The following GUCA1B variants were observed in gnomAD, a reference collection of about 807,000 sequenced individuals.
GUCA1B encodes the protein guanylyl cyclase-activating protein 2.
In GUCA1B, 22 loss-of-function variants were observed where a neutral mutation model predicts 24.2. The ratio of observed to expected loss-of-function variants is 0.91; its 90% confidence interval spans 0.65 to 1.30. GUCA1B has a LOEUF of 1.30. GUCA1B is among the 50% of genes most tolerant of loss of function. The probability of loss-of-function intolerance (pLI) is 0.00; values close to 1 mark genes in which losing one functional copy is unlikely to be tolerated. For synonymous variants in GUCA1B, 100 were observed against 97.9 expected, an observed-to-expected ratio of 1.02 and a Z score of -0.13; for missense variants, 221 against 258.8, an observed-to-expected ratio of 0.85 and a Z score of 1.00.
Position 42,188,611 on chromosome 6 carries a change from C to T in GUCA1B, c.328G>A (p.Asp110Asn), listed in dbSNP as rs1318927228. Residue 110 changes from aspartate (D) to asparagine (N), a missense_variant, in exon 2 of 4, where the codon GAC (aspartate) becomes AAC (asparagine). Asp to Asn is a conservative substitution (Grantham distance 23). Coordinates refer to ENST00000230361, the MANE Select transcript of GUCA1B (RefSeq NM_002098.6). The part of the protein sequence containing the change: ...IYDKDGNGCI[D>N]RLELLNIVEG... ...ACAATGTTGAGTAGCTCCAGGCGGT[C>T]GATGCAGCCATTGCCATCCTTATCA... is the stretch of plus-strand genomic sequence containing the variant. 1.9e-6 allele frequency: 3 copies of T among 1,613,960 alleles called. No homozygotes were observed. Among genetic ancestry groups the T allele is most frequent in the African/African-American group, 1.3e-5 (1 of 74,924 alleles).
chr6:42,188,839 C>G, intron 1 of GUCA1B, 108 bp from the exon 2 acceptor site: 2 of 1,068,310 alleles, frequency 1.9e-6, no homozygotes. Context: ...TCCATGTGGC[C>G]TCTGTGTCTT....
Position 42,188,619 on chromosome 6 carries a change from C to T in GUCA1B, c.320G>A (p.Gly107Asp). 6.2e-7 allele frequency: 1 copy of T among 1,614,126 alleles called. No individual in the cohort carries two copies. The highest frequency in any genetic ancestry group is 1.1e-5 in the South Asian group (1 of 91,090). ...TFKIYDKDGN[G>D]CIDRLELLNI... is the part of the protein sequence containing the mutation. ...GAGTAGCTCCAGGCGGTCGATGCAG[C>T]CATTGCCATCCTTATCATAGATCTT... is the stretch of plus-strand genomic sequence containing the variant. Residue 107 changes from glycine to aspartate, a missense_variant, in exon 2 of 4, where the codon GGC becomes GAC. Transcript: ENST00000230361.
chr6:42,193,469 TCG>T (rs113608448), intron 1 of GUCA1B, among the ~76,000 whole-genome samples: 15 of 152,330 alleles, frequency 9.8e-5, no homozygotes, highest in African/African-American at 3.4e-4. Context: ...CTTGGGCAAA[TCG>T]ATTCATTCCC....
At position 42,190,478 on chromosome 6, in the gene GUCA1B, T is replaced by TA. The variant is rs1768287483; in HGVS notation, c.208-1748_208-1747insT. Among the ~76,000 whole-genome samples the TA allele has an allele frequency of 2.0e-5, 3 of 151,958 alleles. No individual in the cohort carries two copies. The South Asian group carries it at 6.2e-4, about 32-fold the overall frequency. On this transcript the variant is annotated intron_variant, in intron 1 of 3. Coordinates refer to ENST00000230361, the MANE Select transcript of GUCA1B (RefSeq NM_002098.6). ...TTTTGCACGTATACCTTTTCTTATA[T>TA]CTCTGGTATTTCTTTTTTTAGGGTA...
In GUCA1B at chr6:42,194,745, T is replaced by C. The variant is rs144651324; in HGVS notation, c.76A>G (p.Lys26Glu). The C allele has an allele frequency of 1.2e-6, 2 of 1,612,230 alleles. No individual in the cohort carries two copies. The highest frequency in any genetic ancestry group is 2.7e-5 in the African/African-American group (2 of 74,778). The change falls in exon 1 of 4, where the codon AAG (lysine) becomes GAG (glutamate). Residue 26 changes from lysine (K) to glutamate (E), a missense_variant. Lys to Glu is a moderately conservative substitution (Grantham distance 56). Transcript: ENST00000230361. ...CTGGGGCACTCCATCACAAACTTCT[T>C]GTACCACTCCTGGAGCTCCGCCACA... Reference protein sequence around the residue: ...IDVAELQEWYKKFVMECPSGT... With the variant: ...IDVAELQEWYEKFVMECPSGT...
At chr6:42,185,336 T>A (rs968813764) in intron 3 of GUCA1B, among the ~76,000 whole-genome samples, 1 of 152,124 alleles carries the variant, frequency 6.6e-6, no homozygotes, top group Non-Finnish European at 1.5e-5. Context: ...AAACACATTA[T>A]CCTATTCATT....
rs367567115 is a variant in GUCA1B, at chr6:42,194,702, T to C, written c.119A>G (p.His40Arg). 5 of 1,613,626 alleles carry C rather than the reference T, an allele frequency of 3.1e-6. No homozygotes were observed. The highest frequency in any genetic ancestry group is 2.7e-5 in the African/African-American group (2 of 75,020). The stretch of plus-strand genomic sequence containing the variant: ...GACCTTGAAGAAGCGCTTAAACTCA[T>C]GCATAAAGAGTGTGCCGCTGGGGCA... ...MECPSGTLFM[H>R]EFKRFFKVTD... Residue 40 changes from histidine (H) to arginine (R), a missense_variant, in exon 1 of 4, where the codon CAT (histidine) becomes CGT (arginine). Transcript: ENST00000230361.
chr6:42,185,999 G>A (rs1768186224), intron 2 of GUCA1B, among the ~76,000 whole-genome samples: 1 of 152,140 alleles, frequency 6.6e-6, no homozygotes, highest in African/African-American at 2.4e-5. Flanking sequence ...TTCCAGCTGA[G>A]TTCCCGGCCT....
chr6:42,191,464 G>C (rs1201707348), intron 1 of GUCA1B, among the ~76,000 whole-genome samples: 1 of 152,146 alleles, frequency 6.6e-6, no homozygotes, highest in Non-Finnish European at 1.5e-5. Context: ...GACACTCCTT[G>C]ATATAAGGGG....
In GUCA1B at chr6:42,194,182, T is replaced by C. The variant is rs75369671; in HGVS notation, c.207+432A>G. Among the ~76,000 whole-genome samples, 952 of 152,352 alleles carry C rather than the reference T, an allele frequency of 6.2e-3. 10 individuals are homozygous for C. Among genetic ancestry groups the C allele is most frequent in the African/African-American group, 0.019 (776 of 41,584 alleles). Reference sequence around the variant, plus strand: ...AAGAACCCCAACAAGAGGGAGCTCATAGCCCATGCTAAGATACCTTGTCTC... The same window carrying C: ...AAGAACCCCAACAAGAGGGAGCTCACAGCCCATGCTAAGATACCTTGTCTC... On this transcript the variant is annotated intron_variant, in intron 1 of 3. Coordinates refer to ENST00000230361, the MANE Select transcript of GUCA1B (RefSeq NM_002098.6).
At chr6:42,186,620 C>A (rs1434574368) in intron 2 of GUCA1B, among the ~76,000 whole-genome samples, 1 of 136,270 alleles carries the variant, frequency 7.3e-6, no homozygotes, top group African/African-American at 3.0e-5. Flanking sequence ...AAAGAAAGCA[C>A]CATGTAAATG....
chr6:42,187,929 C>A (rs942651943), intron 2 of GUCA1B, among the ~76,000 whole-genome samples: 7 of 151,728 alleles, frequency 4.6e-5, no homozygotes, highest in African/African-American at 1.7e-4. Flanking sequence ...TTACTGCAGC[C>A]TTCAACTCCT....
At chr6:42,186,601 A>AAAGAAAG (rs375915567) in intron 2 of GUCA1B, among the ~76,000 whole-genome samples, 5 of 147,158 alleles carry the variant, frequency 3.4e-5, no homozygotes, top group East Asian at 3.9e-4. Context: ...TCAGAAAAAA[A>AAAGAAAG]AAAGAAAGAA....
chr6:42,186,115 T>C lies in GUCA1B; in HGVS notation c.358-318A>G, dbSNP rs371316778. Among the ~76,000 whole-genome samples the C allele has an allele frequency of 3.3e-5, 5 of 152,240 alleles. No homozygotes were observed. In the East Asian group the frequency reaches 7.7e-4, roughly 23 times the overall value. On this transcript the variant is annotated intron_variant, in intron 2 of 3. Coordinates refer to ENST00000230361, the MANE Select transcript of GUCA1B (RefSeq NM_002098.6). ...GTTTAAGTCACCATGACAGTCTAAA[T>C]TGCATTCTACACAGGAAGAAATAGA...
chr6:42,194,578 G>A, intron 1 of GUCA1B, 36 bp downstream of exon 1: 1 of 1,349,180 alleles, frequency 7.4e-7, no homozygotes, highest in Non-Finnish European at 1.1e-6. Flanking sequence ...GCGCCAGGTG[G>A]ACTGGCCACT....
intron 1 of GUCA1B, among the ~76,000 whole-genome samples, chr6:42,192,089 C>T (rs1364107302): frequency 6.7e-6 from 1 of 148,856 alleles, no homozygotes; most frequent in Admixed American, 6.7e-5. Context: ...GGCATGGTGG[C>T]TCATGCCTGT....
chr6:42,188,616 C>A lies in GUCA1B; in HGVS notation c.323G>T (p.Cys108Phe), dbSNP rs1277024221. The A allele has an allele frequency of 6.2e-7, 1 of 1,614,120 alleles. No individual in the cohort carries two copies. The highest frequency in any genetic ancestry group is 1.7e-5 in the Admixed American group (1 of 60,016). ...FKIYDKDGNG[C>F]IDRLELLNIV... is the part of the protein sequence containing the mutation. ...GTTGAGTAGCTCCAGGCGGTCGATG[C>A]AGCCATTGCCATCCTTATCATAGAT... Residue 108 changes from cysteine (C) to phenylalanine (F), a missense_variant, in exon 2 of 4, where the codon TGC (cysteine) becomes TTC (phenylalanine). Physicochemically the swap from Cys to Phe is radical, Grantham distance 205. Coordinates refer to ENST00000230361, the MANE Select transcript of GUCA1B (RefSeq NM_002098.6).
chr6:42,189,651 G>A (rs1029363340), intron 1 of GUCA1B, among the ~76,000 whole-genome samples: 6 of 152,204 alleles, frequency 3.9e-5, no homozygotes, highest in East Asian at 3.8e-4. Context: ...GTTGGGGAGC[G>A]CAGAGCTCAG....
rs1174462764 is a variant in GUCA1B at position 42,183,912 on chromosome 6, C to T, written c.*903G>A. Among the ~76,000 whole-genome samples, 1 of 152,128 alleles carries T rather than the reference C, an allele frequency of 6.6e-6. No homozygotes were observed. The highest frequency in any genetic ancestry group is 1.5e-5 in the Non-Finnish European group (1 of 68,024). On this transcript the variant is annotated 3_prime_UTR_variant, in exon 4 of 4. Coordinates refer to ENST00000230361, the MANE Select transcript of GUCA1B (RefSeq NM_002098.6). The stretch of plus-strand genomic sequence containing the variant: ...TCCCTTTAAGTACAGCTGACCCTTT[C>T]AAAGGCAGAAAGACCACAGCCTGCA...
Sources: gnomAD v4.1 joint callset for allele counts (sites outside exome capture counted in the v4.1 genomes callset) on GRCh38, gnomAD v4.1.1 for gene constraint, MANE v1.5 for transcripts, NCBI Gene and HGNC (gene_info 2026-07-23, HGNC 2026-07-21) for gene names.